The following STIM2 variants were observed in gnomAD, a reference collection of about 807,000 sequenced individuals.
STIM2 encodes the protein stromal interaction molecule 2.
STIM2 carries 31 observed loss-of-function variants against 85.8 expected under a neutral mutation model. That is an observed-to-expected ratio of 0.36 (90% CI 0.27 to 0.49). STIM2 has a LOEUF of 0.49. STIM2 is among the 20% of genes least tolerant of loss of function. The pLI is 0.98. For synonymous variants in STIM2, 356 were observed against 331.1 expected, an observed-to-expected ratio of 1.08 and a Z score of -0.82; for missense variants, 841 against 927.6, an observed-to-expected ratio of 0.91 and a Z score of 1.21.
intron 1 of STIM2, among the ~76,000 whole-genome samples, chr4:26,907,521 A>G (rs973301520): frequency 6.6e-6 from 1 of 152,176 alleles, no homozygotes; most frequent in Non-Finnish European, 1.5e-5. Context: ...ATTAAAAAAA[A>G]CTTGGAAAAT....
At chr4:26,918,535 G>A (rs1724677075) in intron 1 of STIM2, among the ~76,000 whole-genome samples, 1 of 152,056 alleles carries the variant, frequency 6.6e-6, no homozygotes, top group African/African-American at 2.4e-5. Flanking sequence ...TCAACTTTAA[G>A]GCCATACTAT....
chr4:26,904,210 C>A (rs929201955), intron 1 of STIM2, among the ~76,000 whole-genome samples: 7 of 151,036 alleles, frequency 4.6e-5, no homozygotes, highest in African/African-American at 1.7e-4. Context: ...CTAGGAATGG[C>A]ATGTACAGGC....
intron 2 of STIM2, among the ~76,000 whole-genome samples, chr4:26,955,443 A>G (rs944994121): frequency 6.8e-6 from 1 of 148,104 alleles, no homozygotes; most frequent in African/African-American, 2.6e-5. Context: ...CCTCCCTGCT[A>G]TGTCCATTAT....
At position 27,024,577 on chromosome 4, in the gene STIM2, G is replaced by T. The variant is rs929580610; in HGVS notation, c.*1581G>T. 1 of 152,140 alleles carries T rather than the reference G, an allele frequency of 6.6e-6. No individual in the cohort carries two copies. Among genetic ancestry groups the T allele is most frequent in the Non-Finnish European group, 1.5e-5 (1 of 68,010 alleles). The allele number at this position is 152,140 out of a possible 1,614,324, so 9.4% of individuals were successfully genotyped here. On this transcript the variant is annotated 3_prime_UTR_variant, in exon 12 of 12. Transcript: ENST00000467087. ...CTGATGTCTCCTATAAATTGTGATT[G>T]TTTATTCTATTACTATTGTTAAAAA...
At chr4:26,902,544 G>A (rs1289185778) in intron 1 of STIM2, among the ~76,000 whole-genome samples, 1 of 152,154 alleles carries the variant, frequency 6.6e-6, no homozygotes, top group East Asian at 1.9e-4. Context: ...TTCAGTATAG[G>A]ACCTACACAG....
intron 11 of STIM2, 117 bp from the exon 12 acceptor site, chr4:27,022,402 T>G (rs1728943270): frequency 1.2e-6 from 1 of 810,750 alleles, no homozygotes; most frequent in South Asian, 2.0e-5. Flanking sequence ...TAGAATCATA[T>G]CATTTCCCTC....
At chr4:26,934,759 C>A (rs914250074) in intron 2 of STIM2, among the ~76,000 whole-genome samples, 1 of 151,750 alleles carries the variant, frequency 6.6e-6, no homozygotes, top group Non-Finnish European at 1.5e-5. Flanking sequence ...ACACAAAATA[C>A]AAAATTAGAT....
intron 10 of STIM2, among the ~76,000 whole-genome samples, chr4:27,010,837 A>T (rs138728478): frequency 9.1e-4 from 138 of 152,354 alleles, no homozygotes; most frequent in African/African-American, 3.2e-3. Flanking sequence ...CACAGAAAAT[A>T]TCAATGGTTA....
In STIM2 at chr4:26,861,045, C is replaced by T; in HGVS notation, c.-174C>T. 1 of 1,150,334 alleles carries T rather than the reference C, an allele frequency of 8.7e-7. No homozygotes were observed. The highest frequency in any genetic ancestry group is 4.7e-5 in the East Asian group (1 of 21,498). 71.3% of individuals were successfully genotyped at this position (1,150,334 alleles called of 1,614,324 possible). A position where few individuals can be genotyped will look rare whatever the true frequency, so the allele number is the denominator to read the frequency against. On this transcript the variant is annotated 5_prime_UTR_variant, in exon 1 of 12. Coordinates refer to ENST00000467087, the MANE Select transcript of STIM2 (RefSeq NM_020860.4). ...CGGCGGGAGCCCGTGTCTGAGGCGG[C>T]GGGGGCGGCCGGAGGAGTCGCCGGC...
chr4:26,885,867 A>ATG lies in STIM2; in HGVS notation c.151+24499_151+24500insGT, dbSNP rs1164449078. 4.3e-3 allele frequency among the ~76,000 whole-genome samples: 487 copies of ATG among 112,528 alleles called. 8 individuals are homozygous for ATG. The highest frequency in any genetic ancestry group is 9.5e-3 in the Middle Eastern group (2 of 210). 73.8% of individuals were successfully genotyped at this position (112,528 alleles called of 152,430 possible). ...TATATATATATATATATATATATAT[A>ATG]TATATATGTATATGTCTATTCATGT... On this transcript the variant is annotated intron_variant, in intron 1 of 11. Coordinates refer to ENST00000467087, the MANE Select transcript of STIM2 (RefSeq NM_020860.4).
chr4:26,993,680 C>G (rs2109124133), intron 3 of STIM2, among the ~76,000 whole-genome samples: 1 of 152,274 alleles, frequency 6.6e-6, no homozygotes, highest in East Asian at 1.9e-4. Flanking sequence ...TAGAACTATT[C>G]ATTTGTAAGC....
intron 5 of STIM2, among the ~76,000 whole-genome samples, chr4:27,001,667 A>T (rs116340778): frequency 6.6e-6 from 1 of 152,142 alleles, no homozygotes; most frequent in African/African-American, 2.4e-5. Flanking sequence ...ACAACCCAAA[A>T]TTGTCAAATG....
chr4:27,002,920 C>T lies in STIM2; in HGVS notation c.804-7C>T, dbSNP rs28498666. The T allele has an allele frequency of 1.4e-5, 22 of 1,536,464 alleles. No homozygotes were observed. In the African/African-American group the frequency reaches 2.6e-4, roughly 18 times the overall value. ...GTGAGGAATTTTTATTTTTATTGTT[C>T]TATAAGGCTTGAAAAGGCACAGGAA... On this transcript the variant is annotated splice_polypyrimidine_tract_variant and splice_region_variant and intron_variant, in intron 6 of 11. Transcript: ENST00000467087.
At chr4:26,861,418 C>A (rs1722184602) in intron 1 of STIM2, 49 bp downstream of exon 1, 2 of 1,268,022 alleles carry the variant, frequency 1.6e-6, no homozygotes, top group Non-Finnish European at 9.9e-7. Context: ...AGCGATGGGA[C>A]CCCCAACCCG....
At chr4:27,021,471 G>T in intron 11 of STIM2, 1 of 456,738 alleles carries the variant, frequency 2.2e-6, no homozygotes, top group Non-Finnish European at 4.4e-6. Context: ...GCCCTGAGGG[G>T]TCTCGAGGTT....
chr4:26,873,699 C>T, intron 1 of STIM2: 1 of 816,330 alleles, frequency 1.2e-6, no homozygotes, highest in Admixed American at 1.8e-5. Flanking sequence ...CTTCATCCAG[C>T]TCTTGGGACA....
chr4:26,892,432 T>C (rs1723528089), intron 1 of STIM2, among the ~76,000 whole-genome samples: 1 of 152,106 alleles, frequency 6.6e-6, no homozygotes, highest in Non-Finnish European at 1.5e-5. Context: ...ACTAATCCTA[T>C]TCAAGACGGC....
At chr4:26,917,704 A>G (rs1430190326) in intron 1 of STIM2, among the ~76,000 whole-genome samples, 2 of 152,144 alleles carry the variant, frequency 1.3e-5, no homozygotes, top group Admixed American at 6.5e-5. Context: ...AACAAGGCCT[A>G]TTTAACCAGA....
At chr4:26,993,045 T>G (rs1223871846) in intron 3 of STIM2, among the ~76,000 whole-genome samples, 1 of 152,144 alleles carries the variant, frequency 6.6e-6, no homozygotes, top group Non-Finnish European at 1.5e-5. Context: ...AGTGTTTAGA[T>G]CAGGAATTTT....
Sources: allele counts gnomAD v4.1 joint callset (sites outside exome capture counted in the v4.1 genomes callset), GRCh38; gene constraint gnomAD v4.1.1; transcripts MANE v1.5; gene names NCBI Gene and HGNC (gene_info 2026-07-23, HGNC 2026-07-21).